Variants in NUP35 observed in about 807,000 individuals in gnomAD.
The protein encoded by NUP35 is nucleoporin 35, also known as nucleoporin NUP35.
A neutral mutation model predicts 41.5 loss-of-function variants in NUP35; 25 were observed. That is an observed-to-expected ratio of 0.60 (90% CI 0.44 to 0.84). The LOEUF is 0.84. Among genes scored for constraint, NUP35 ranks in the 40% least tolerant of loss-of-function variants. NUP35 has a pLI of 0.00. For synonymous variants in NUP35, 149 were observed against 130.7 expected, an observed-to-expected ratio of 1.14 and a Z score of -0.96; for missense variants, 396 against 396.6, an observed-to-expected ratio of 1.00 and a Z score of 0.01.
At position 183,158,373 on chromosome 2, in the gene NUP35, G is replaced by GAATC. The variant is rs1414284465; in HGVS notation, c.701_704dup (p.Met237HisfsTer10). The GAATC allele has an allele frequency of 6.2e-7, 1 of 1,608,812 alleles. No individual in the cohort carries two copies. The highest frequency in any genetic ancestry group is 1.3e-5 in the African/African-American group (1 of 74,846). ...AAGCAAAGATGGGAGGATTTTTGGA[G>GAATC]AATCCATCATGATTGGTGTAAAACC... On this transcript the variant is annotated frameshift_variant, in exon 7 of 9. Coordinates refer to ENST00000295119, the MANE Select transcript of NUP35 (RefSeq NM_138285.5). LOFTEE classifies it high-confidence loss of function.
At chr2:183,153,490 G>A (rs572722925) in intron 5 of NUP35, among the ~76,000 whole-genome samples, 1 of 152,190 alleles carries the variant, frequency 6.6e-6, no homozygotes, top group South Asian at 2.1e-4. Flanking sequence ...GGGAGAAATT[G>A]GCCAAAACAG....
At chr2:183,119,395 C>G (rs1700035073) in intron 1 of NUP35, among the ~76,000 whole-genome samples, 1 of 152,064 alleles carries the variant, frequency 6.6e-6, no homozygotes, top group Non-Finnish European at 1.5e-5. Flanking sequence ...AGAAAACTTA[C>G]AAAACAAGTA....
intron 3 of NUP35, chr2:183,130,956 A>T: frequency 8.4e-7 from 1 of 1,187,480 alleles, no homozygotes; most frequent in Non-Finnish European, 1.1e-6. Context: ...GTCAGCTGAG[A>T]AGTAGTATGG....
At chr2:183,127,265 T>C (rs1337725350) in intron 1 of NUP35, among the ~76,000 whole-genome samples, 1 of 151,520 alleles carries the variant, frequency 6.6e-6, no homozygotes, top group East Asian at 2.0e-4. Flanking sequence ...GGATATTTAA[T>C]GATGATTCTT....
intron 5 of NUP35, among the ~76,000 whole-genome samples, chr2:183,152,465 C>G (rs1301537213): frequency 6.6e-6 from 1 of 152,026 alleles, no homozygotes; most frequent in East Asian, 1.9e-4. Context: ...TCCCCAAAGT[C>G]CATTGCATCA....
chr2:183,159,042 T>G (rs1685774852), intron 7 of NUP35, among the ~76,000 whole-genome samples: 1 of 152,138 alleles, frequency 6.6e-6, no homozygotes, highest in African/African-American at 2.4e-5. Context: ...CAAGATGTGG[T>G]TCCTATTCTT....
At chr2:183,151,082 A>G (rs1024010308) in intron 4 of NUP35, among the ~76,000 whole-genome samples, 1 of 152,206 alleles carries the variant, frequency 6.6e-6, no homozygotes, top group African/African-American at 2.4e-5. Context: ...TGGAAAAGTA[A>G]GGTTGCAACT....
upstream of NUP35, chr2:183,124,274 A>G (rs1235475826): frequency 7.2e-7 from 1 of 1,387,508 alleles, no homozygotes; most frequent in Non-Finnish European, 9.4e-7. Flanking sequence ...CTTTCCTCGG[A>G]AATTCTCAGC....
chr2:183,135,490 T>C (rs1684844579), intron 4 of NUP35, among the ~76,000 whole-genome samples: 1 of 152,102 alleles, frequency 6.6e-6, no homozygotes, highest in South Asian at 2.1e-4. Flanking sequence ...TCACAATTGG[T>C]CTTTACCCAG....
intron 4 of NUP35, among the ~76,000 whole-genome samples, chr2:183,135,914 C>T (rs1684860429): frequency 6.6e-6 from 1 of 151,506 alleles, no homozygotes; most frequent in African/African-American, 2.4e-5. Flanking sequence ...AAAAACTAAC[C>T]AAATTAACAA....
rs1237594038 is a variant in NUP35 at position 183,147,931 on chromosome 2, T to C, written c.398-3577T>C. Reference sequence around the variant, plus strand: ...GGTATTTTAATTTTTTTTTTTTTGATATGTGGCTATTGTAAATGGGATTAC... The same window carrying C: ...GGTATTTTAATTTTTTTTTTTTTGACATGTGGCTATTGTAAATGGGATTAC... On this transcript the variant is annotated intron_variant, in intron 4 of 8. Coordinates refer to ENST00000295119, the MANE Select transcript of NUP35 (RefSeq NM_138285.5). 2.0e-5 allele frequency among the ~76,000 whole-genome samples: 3 copies of C among 151,838 alleles called. No individual in the cohort carries two copies. In the East Asian group the frequency reaches 5.8e-4, roughly 29 times the overall value.
At chr2:183,128,614 A>G (rs75596298) in intron 2 of NUP35, among the ~76,000 whole-genome samples, 157 bp downstream of exon 2, 10 of 145,656 alleles carry the variant, frequency 6.9e-5, no homozygotes, top group African/African-American at 2.6e-4. Flanking sequence ...AAAAAAAAAA[A>G]TGCAAAAAAA....
Position 183,133,614 on chromosome 2 carries a change from C to G in NUP35, c.388C>G (p.Pro130Ala), listed in dbSNP as rs781150648. ...TCCTCTTGTTGGAGTTACATCTACT[C>G]CTGGAACAGGTAAGTGATTCTTTCT... ...QSPLVGVTSTPGTGQSMFSPA... is the reference protein window; with the variant it reads ...QSPLVGVTSTAGTGQSMFSPA... The change falls in exon 4 of 9, where the codon CCT (proline) becomes GCT (alanine). Residue 130 changes from proline (P) to alanine (A), a missense_variant. Coordinates refer to ENST00000295119, the MANE Select transcript of NUP35 (RefSeq NM_138285.5). 9.5e-6 allele frequency: 15 copies of G among 1,586,642 alleles called. No individual in the cohort carries two copies. The highest frequency in any genetic ancestry group is 1.3e-5 in the Non-Finnish European group (15 of 1,170,950).
At chr2:183,123,764 C>G (rs1473614), upstream of NUP35, 941,332 of 984,730 alleles carry the variant, frequency 0.96, 450,004 homozygotes, top group East Asian at 1. Context: ...AGTGAGGGGA[C>G]GTGGACGGCA....
At chr2:183,131,557 G>C (rs1002733986) in intron 3 of NUP35, among the ~76,000 whole-genome samples, 1 of 152,176 alleles carries the variant, frequency 6.6e-6, no homozygotes, top group African/African-American at 2.4e-5. Flanking sequence ...GTGGTAAACA[G>C]ATTACTGTTT....
intron 4 of NUP35, among the ~76,000 whole-genome samples, chr2:183,145,890 A>G (rs758800060): frequency 1.3e-5 from 2 of 152,254 alleles, no homozygotes; most frequent in African/African-American, 4.8e-5. Context: ...AGTAAAAACT[A>G]CAATGCAATA....
At chr2:183,120,784 A>G (rs1700056606), upstream of NUP35, among the ~76,000 whole-genome samples, 1 of 152,172 alleles carries the variant, frequency 6.6e-6, no homozygotes. Flanking sequence ...CTAATGCACT[A>G]TGAATTCAAT....
intron 4 of NUP35, among the ~76,000 whole-genome samples, chr2:183,148,181 A>G (rs2105594142): frequency 6.6e-6 from 1 of 152,274 alleles, no homozygotes; most frequent in Non-Finnish European, 1.5e-5. Context: ...GTATATATAC[A>G]CCACATTTTC....
At chr2:183,140,891 A>T (rs1010377391) in intron 4 of NUP35, among the ~76,000 whole-genome samples, 1 of 151,770 alleles carries the variant, frequency 6.6e-6, no homozygotes. Flanking sequence ...CTTTAACCTT[A>T]TTATGAACTA....
Sources: allele counts gnomAD v4.1 joint callset (sites outside exome capture counted in the v4.1 genomes callset), GRCh38; gene constraint gnomAD v4.1.1; transcripts MANE v1.5; gene names NCBI Gene and HGNC (gene_info 2026-07-23, HGNC 2026-07-21).